Variants in ANO4 observed in about 807,000 individuals in gnomAD.
ANO4 encodes the protein anoctamin 4.
A neutral mutation model predicts 141.9 loss-of-function variants in ANO4; 69 were observed. The ratio of observed to expected loss-of-function variants is 0.49; its 90% CI spans 0.40 to 0.59. The LOEUF (loss-of-function observed/expected upper bound fraction) is 0.59. Ranked by LOEUF, ANO4 falls within the 20% of genes least tolerant of loss-of-function variation. The pLI is 0.00. For synonymous variants in ANO4, 350 were observed against 394.3 expected (o/e 0.89, Z 1.33); for missense variants, 894 against 1,162.2 (o/e 0.77, Z 3.36).
intron 1 of ANO4, among the ~76,000 whole-genome samples, chr12:100,830,200 T>C (rs1226957595): frequency 6.6e-6 from 1 of 152,098 alleles, no homozygotes; most frequent in Non-Finnish European, 1.5e-5. Flanking sequence ...GCTGCTGCTT[T>C]CACTTGTCAA....
chr12:100,925,777 A>G (rs926609331), intron 3 of ANO4, among the ~76,000 whole-genome samples: 11 of 150,268 alleles, frequency 7.3e-5, no homozygotes, highest in Non-Finnish European at 1.5e-4. Context: ...ATATATATAT[A>G]TATGTATGCA....
At chr12:100,843,628 C>T (rs1055846919) in intron 1 of ANO4, among the ~76,000 whole-genome samples, 19 of 152,172 alleles carry the variant, frequency 1.2e-4, no homozygotes, top group African/African-American at 4.6e-4. Context: ...GACATGACCA[C>T]ATAAAATCCT....
intron 1 of ANO4, among the ~76,000 whole-genome samples, chr12:100,890,792 A>G (rs540822701): frequency 6.6e-6 from 1 of 152,186 alleles, no homozygotes; most frequent in African/African-American, 2.4e-5. Flanking sequence ...ACATTGACAC[A>G]TCATCACCCA....
At chr12:100,996,624 G>A (rs575802595) in intron 8 of ANO4, among the ~76,000 whole-genome samples, 2 of 152,316 alleles carry the variant, frequency 1.3e-5, no homozygotes, top group East Asian at 3.9e-4. Context: ...GGCGGAGGTT[G>A]CAGTGAGCCG....
intron 5 of ANO4, among the ~76,000 whole-genome samples, chr12:100,957,524 A>G (rs2043219219): frequency 2.0e-5 from 3 of 152,216 alleles, no homozygotes; most frequent in South Asian, 4.1e-4. Context: ...TTGTCCAAAA[A>G]TGTCATTGGG....
At chr12:100,811,316 T>C (rs902982890) in intron 1 of ANO4, among the ~76,000 whole-genome samples, 5 of 152,208 alleles carry the variant, frequency 3.3e-5, no homozygotes, top group Non-Finnish European at 7.3e-5. Context: ...AGCAAAGGGT[T>C]ATAAGATGTT....
At chr12:100,800,534 G>C (rs922664013) in intron 1 of ANO4, among the ~76,000 whole-genome samples, 2 of 152,190 alleles carry the variant, frequency 1.3e-5, no homozygotes, top group East Asian at 1.9e-4. Flanking sequence ...CTTTGCTGTC[G>C]TGGTGACATA....
chr12:100,992,266 C>T (rs2045163581), intron 8 of ANO4, among the ~76,000 whole-genome samples: 1 of 152,184 alleles, frequency 6.6e-6, no homozygotes, highest in African/African-American at 2.4e-5. Flanking sequence ...ATTACTATGA[C>T]TTACAAGCTC....
chr12:100,934,931 A>T (rs2042224000), intron 3 of ANO4, among the ~76,000 whole-genome samples: 1 of 152,178 alleles, frequency 6.6e-6, no homozygotes, highest in African/African-American at 2.4e-5. Flanking sequence ...TGATTTTTGC[A>T]CATTGATTTT....
chr12:100,725,721 T>C (rs2031087910), intron 1 of ANO4, among the ~76,000 whole-genome samples: 1 of 152,170 alleles, frequency 6.6e-6, no homozygotes, highest in Admixed American at 6.5e-5. Context: ...TTATAAACAA[T>C]AATCAAGCAA....
In ANO4 at chr12:100,781,062, A is replaced by C. The variant is rs931586890; in HGVS notation, c.358+40957A>C. On this transcript the variant is annotated intron_variant, in intron 3 of 29. Transcript: ENST00000644049. ...CAGTGAAACTTAGATTCTCTTAAACATTCCGATTTTGTAACAAATTTAGCA... is the reference window on the plus strand; with the variant it reads ...CAGTGAAACTTAGATTCTCTTAAACCTTCCGATTTTGTAACAAATTTAGCA... 2.6e-5 allele frequency among the ~76,000 whole-genome samples: 4 copies of C among 152,320 alleles called. No homozygotes were observed. The East Asian group carries it at 5.8e-4, about 22-fold the overall frequency.
chr12:100,996,892 C>CAATAAAAATGATAG (rs74276091), intron 8 of ANO4, among the ~76,000 whole-genome samples: 1 of 152,150 alleles, frequency 6.6e-6, no homozygotes, highest in African/African-American at 2.4e-5. Flanking sequence ...ATGATAGCAA[C>CAATAAAAATGATAG]CACTGTTTAC....
chr12:101,027,322 T>C (rs2046782996), intron 9 of ANO4, among the ~76,000 whole-genome samples: 1 of 152,232 alleles, frequency 6.6e-6, no homozygotes. Context: ...TCAGCTGGAA[T>C]CTGCCTAACC....
At chr12:100,863,242 T>C (rs1236187694) in intron 1 of ANO4, among the ~76,000 whole-genome samples, 1 of 152,142 alleles carries the variant, frequency 6.6e-6, no homozygotes, top group Admixed American at 6.6e-5. Flanking sequence ...GTCTTTAGCC[T>C]GAGTAAGGTA....
chr12:100,984,962 A>G (rs1283605697), intron 7 of ANO4, among the ~76,000 whole-genome samples: 2 of 151,860 alleles, frequency 1.3e-5, no homozygotes, highest in African/African-American at 4.8e-5. Flanking sequence ...TGAGCACTGT[A>G]CCCAGCTGGA....
upstream of ANO4, among the ~76,000 whole-genome samples, chr12:100,794,017 A>T (rs1338325486): frequency 6.6e-6 from 1 of 152,198 alleles, no homozygotes; most frequent in Non-Finnish European, 1.5e-5. Context: ...AGGTGATTTA[A>T]GAGCTCTAAA....
At chr12:100,970,328 T>C (rs563022459) in intron 5 of ANO4, among the ~76,000 whole-genome samples, 1 of 152,310 alleles carries the variant, frequency 6.6e-6, no homozygotes, top group South Asian at 2.1e-4. Context: ...CGTCCTGTCT[T>C]CTGCTCACTT....
At chr12:100,766,656 A>C (rs960222686) in intron 3 of ANO4, among the ~76,000 whole-genome samples, 1 of 152,170 alleles carries the variant, frequency 6.6e-6, no homozygotes, top group African/African-American at 2.4e-5. Context: ...TTTATGGCCT[A>C]ATATGTGATC....
chr12:101,108,235 T>C (rs1202805852), intron 22 of ANO4, among the ~76,000 whole-genome samples: 4 of 151,982 alleles, frequency 2.6e-5, no homozygotes, highest in African/African-American at 9.7e-5. Flanking sequence ...AAAACCAAGG[T>C]TGAAACAGAA....
Sources: allele counts gnomAD v4.1 joint callset (sites outside exome capture counted in the v4.1 genomes callset), GRCh38; gene constraint gnomAD v4.1.1; transcripts MANE v1.5; gene names NCBI Gene and HGNC (gene_info 2026-07-23, HGNC 2026-07-21).